The following CREB5 variants were observed in gnomAD, a reference collection of about 807,000 sequenced individuals.
CREB5 encodes the protein cyclic AMP-responsive element-binding protein 5.
Under a neutral mutation model 57.1 loss-of-function variants are expected in CREB5, and 19 were observed. The observed-to-expected ratio is 0.33, with a 90% confidence interval of 0.23 to 0.49. The LOEUF is 0.49. Among genes scored for constraint, CREB5 ranks in the 20% least tolerant of loss-of-function variants. The probability of loss-of-function intolerance (pLI) is 0.99; values close to 1 mark genes in which losing one functional copy is unlikely to be tolerated. For synonymous variants in CREB5, 238 were observed against 238.3 expected (o/e 1.00, Z 0.01); for missense variants, 579 against 671.6 (o/e 0.86, Z 1.52).
intron 1 of CREB5, among the ~76,000 whole-genome samples, chr7:28,332,186 T>C (rs6462075): frequency 0.8 from 120,984 of 151,522 alleles, 48,463 homozygotes; most frequent in African/African-American, 0.84. Flanking sequence ...CCAGCAGAAG[T>C]TAATAGCCAC....
chr7:28,806,254 T>A (rs1340072611), intron 8 of CREB5, among the ~76,000 whole-genome samples: 4 of 152,232 alleles, frequency 2.6e-5, no homozygotes. Context: ...CTATTATAAT[T>A]AGCTTTATGA....
At chr7:28,396,875 C>A (rs545983248) in intron 1 of CREB5, among the ~76,000 whole-genome samples, 1 of 152,220 alleles carries the variant, frequency 6.6e-6, no homozygotes, top group African/African-American at 2.4e-5. Flanking sequence ...ACCTTCTCTT[C>A]CTCCTTATAC....
chr7:28,538,675 T>C (rs890670336), intron 4 of CREB5, among the ~76,000 whole-genome samples: 4 of 152,226 alleles, frequency 2.6e-5, no homozygotes, highest in African/African-American at 7.2e-5. Context: ...CTTCTTAAGA[T>C]GGATACTTCG....
At chr7:28,480,003 T>C (rs1217707105) in intron 1 of CREB5, among the ~76,000 whole-genome samples, 2 of 126,216 alleles carry the variant, frequency 1.6e-5, no homozygotes, top group Non-Finnish European at 3.3e-5. Flanking sequence ...TAGATACTTA[T>C]CTAGAATAAA....
chr7:28,658,990 A>ATATATATATATATGTGT (rs1562554757), intron 5 of CREB5, among the ~76,000 whole-genome samples: 5 of 65,182 alleles, frequency 7.7e-5, no homozygotes, highest in African/African-American at 2.6e-4. Context: ...TGTATATATA[A>ATATATATATATATGTGT]GTCATAATTT....
chr7:28,309,795 T>C (rs2127981091), intron 1 of CREB5, among the ~76,000 whole-genome samples: 1 of 152,358 alleles, frequency 6.6e-6, no homozygotes, highest in East Asian at 1.9e-4. Flanking sequence ...TCATAGCTCC[T>C]GGCCCTACGT....
At chr7:28,747,875 A>G (rs73306987) in intron 7 of CREB5, among the ~76,000 whole-genome samples, 1,524 of 152,288 alleles carry the variant, frequency 0.01, 33 homozygotes, top group African/African-American at 0.035. Flanking sequence ...TCCCCTGAAG[A>G]AACACACTTT....
At chr7:28,510,052 C>G (rs528731171) in intron 4 of CREB5, among the ~76,000 whole-genome samples, 62 of 152,310 alleles carry the variant, frequency 4.1e-4, no homozygotes, top group African/African-American at 1.5e-3. Context: ...GCAGCAAAGA[C>G]GGCTGTGTTG....
intron 1 of CREB5, among the ~76,000 whole-genome samples, chr7:28,454,925 A>G (rs1003709996): frequency 1.3e-5 from 2 of 152,156 alleles, no homozygotes; most frequent in Non-Finnish European, 2.9e-5. Context: ...GTGATTTTAC[A>G]GTGGCCTCAG....
At position 28,572,316 on chromosome 7, in the gene CREB5, T is replaced by A. The variant is rs139816536; in HGVS notation, c.464+1779T>A. ...AAGGAGTCAATGCTAGGTTGGTAAG[T>A]GTCTCTGCTAAAGATTTCTTTTCTT... On this transcript the variant is annotated intron_variant, in intron 5 of 10. Coordinates refer to ENST00000357727, the MANE Select transcript of CREB5 (RefSeq NM_182898.4). Among the ~76,000 whole-genome samples the A allele has an allele frequency of 3.5e-4, 53 of 152,352 alleles. No homozygotes were observed. The East Asian group carries it at 0.01, about 29-fold the overall frequency.
intron 2 of CREB5, chr7:28,491,106 C>A: frequency 1.7e-6 from 1 of 583,554 alleles, no homozygotes; most frequent in Non-Finnish European, 2.2e-6. Flanking sequence ...GGTGAGGAAG[C>A]GGAGGTGGCA....
intron 5 of CREB5, among the ~76,000 whole-genome samples, chr7:28,651,680 G>A (rs73081880): frequency 0.088 from 13,360 of 152,218 alleles, 748 homozygotes; most frequent in South Asian, 0.16. Context: ...TGTGTCAGAC[G>A]TAAGCTTTTG....
chr7:28,720,666 T>C (rs914775943), intron 6 of CREB5, among the ~76,000 whole-genome samples: 4 of 152,148 alleles, frequency 2.6e-5, no homozygotes, highest in Non-Finnish European at 5.9e-5. Context: ...ACAGATCACG[T>C]TGGTTGACTT....
At chr7:28,525,789 G>A (rs957125981) in intron 4 of CREB5, among the ~76,000 whole-genome samples, 1 of 152,122 alleles carries the variant, frequency 6.6e-6, no homozygotes, top group African/African-American at 2.4e-5. Flanking sequence ...GATGGGGAGA[G>A]TGGTAGATAT....
In CREB5 at chr7:28,571,615, G is replaced by C. The variant is rs144492342; in HGVS notation, c.464+1078G>C. 2.0e-5 allele frequency among the ~76,000 whole-genome samples: 3 copies of C among 152,298 alleles called. No homozygotes were observed. The East Asian group carries it at 5.8e-4, about 29-fold the overall frequency. On this transcript the variant is annotated intron_variant, in intron 5 of 10. Transcript: ENST00000357727. ...GAGCTTTCCCTTCTGGGTATCCTGTGTTAGCTCTAGCCCCTCGCAATGTGC... is the reference window on the plus strand; with the variant it reads ...GAGCTTTCCCTTCTGGGTATCCTGTCTTAGCTCTAGCCCCTCGCAATGTGC...
At chr7:28,765,570 ATAGGTAGAC>A (rs1183721008) in intron 7 of CREB5, among the ~76,000 whole-genome samples, 1 of 152,198 alleles carries the variant, frequency 6.6e-6, no homozygotes, top group African/African-American at 2.4e-5. Flanking sequence ...GAGCCATGAT[ATAGGTAGAC>A]AGGAAGGGAG....
At chr7:28,421,757 C>T (rs42729) in intron 1 of CREB5, among the ~76,000 whole-genome samples, 137,163 of 147,158 alleles carry the variant, frequency 0.93, 63,903 homozygotes, top group East Asian at 0.98. Context: ...TATATATATA[C>T]ATACACACAC....
intron 5 of CREB5, among the ~76,000 whole-genome samples, chr7:28,605,217 C>T (rs1797084826): frequency 6.6e-6 from 1 of 152,142 alleles, no homozygotes; most frequent in Non-Finnish European, 1.5e-5. Flanking sequence ...AGAAAGTATT[C>T]ATATTTGGTG....
intron 2 of CREB5, among the ~76,000 whole-genome samples, chr7:28,489,211 T>C (rs1357288270): frequency 6.6e-6 from 1 of 152,106 alleles, no homozygotes; most frequent in Non-Finnish European, 1.5e-5. Flanking sequence ...CCTGCCTGTT[T>C]ATGTGGTGGG....
Sources: allele counts gnomAD v4.1 joint callset (sites outside exome capture counted in the v4.1 genomes callset), GRCh38; gene constraint gnomAD v4.1.1; transcripts MANE v1.5; gene names NCBI Gene and HGNC (gene_info 2026-07-23, HGNC 2026-07-21).